The following ST3GAL2 variants were observed in gnomAD, a reference collection of about 807,000 sequenced individuals.
ST3GAL2 encodes CMP-N-acetylneuraminate-beta-galactosamide-alpha-2,3-sialyltransferase 2.
A neutral mutation model predicts 37.5 loss-of-function variants in ST3GAL2; 16 were observed. That is an observed-to-expected ratio of 0.43 (90% CI 0.29 to 0.65). The LOEUF (loss-of-function observed/expected upper bound fraction) is 0.65. Among genes scored for constraint, ST3GAL2 ranks in the 30% least tolerant of loss-of-function variants. The pLI, the probability that ST3GAL2 is intolerant of heterozygous loss-of-function variation, is 0.17. For synonymous variants in ST3GAL2, 238 were observed against 202.9 expected (o/e 1.17, Z -1.47); for missense variants, 383 against 487.8 (o/e 0.79, Z 2.02).
rs2047349533 is a variant in ST3GAL2 at position 70,376,831 on chromosome 16, C to T, written c.*4858G>A. 1 of 151,892 alleles carries T rather than the reference C, an allele frequency of 6.6e-6. No homozygotes were observed. The highest frequency in any genetic ancestry group is 2.1e-4 in the South Asian group (1 of 4,810). The allele number at this position is 151,892 out of a possible 1,614,324, so 9.4% of individuals were successfully genotyped here. ...AATCTCGGCTCACCACAACTTCCAC[C>T]TCCCAGGTTCAAGCAATTCTCTGCC... On this transcript the variant is annotated 3_prime_UTR_variant, in exon 7 of 7. Coordinates refer to ENST00000342907, the MANE Select transcript of ST3GAL2 (RefSeq NM_006927.4).
At chr16:70,414,592 A>T (rs2047661998) in intron 1 of ST3GAL2, among the ~76,000 whole-genome samples, 1 of 152,204 alleles carries the variant, frequency 6.6e-6, no homozygotes, top group Non-Finnish European at 1.5e-5. Flanking sequence ...TGAAAATCGG[A>T]ACAATTGATT....
In ST3GAL2 at chr16:70,414,721, G is replaced by A. The variant is rs148695677; in HGVS notation, c.-1003-15188C>T. Reference sequence around the variant, plus strand: ...AGAGTCTCACTCTGTCATCCAGGCTGTAGTGCGGTAGTGTGATCTCAGCTC... The same window carrying A: ...AGAGTCTCACTCTGTCATCCAGGCTATAGTGCGGTAGTGTGATCTCAGCTC... On this transcript the variant is annotated intron_variant, in intron 1 of 6. Coordinates refer to ENST00000342907, the MANE Select transcript of ST3GAL2 (RefSeq NM_006927.4). Among the ~76,000 whole-genome samples, 502 of 152,282 alleles carry A rather than the reference G, an allele frequency of 3.3e-3. 2 individuals are homozygous for A. The highest frequency in any genetic ancestry group is 0.011 in the African/African-American group (448 of 41,556).
At chr16:70,410,812 T>G (rs1452542960) in intron 1 of ST3GAL2, among the ~76,000 whole-genome samples, 2 of 149,858 alleles carry the variant, frequency 1.3e-5, no homozygotes, top group African/African-American at 2.5e-5. Flanking sequence ...GATCCTGTTT[T>G]TTTTTTTTTT....
intron 1 of ST3GAL2, among the ~76,000 whole-genome samples, chr16:70,417,362 G>A (rs2047683278): frequency 2.0e-5 from 3 of 151,254 alleles, no homozygotes; most frequent in African/African-American, 4.9e-5. Flanking sequence ...ACTCCCAGCA[G>A]GCACCGGCCT....
chr16:70,424,365 G>A (rs141441000), intron 1 of ST3GAL2, among the ~76,000 whole-genome samples: 12,211 of 149,626 alleles, frequency 0.082, 1,646 homozygotes, highest in African/African-American at 0.28. Context: ...ACTTTGGGAG[G>A]CCGAGGCAGG....
intron 1 of ST3GAL2, among the ~76,000 whole-genome samples, chr16:70,411,098 T>C (rs1380293837): frequency 6.6e-6 from 1 of 152,118 alleles, no homozygotes; most frequent in Non-Finnish European, 1.5e-5. Context: ...CCTTTCCAAA[T>C]AAGCAGCCGG....
chr16:70,394,728 T>C (rs1006566625), intron 3 of ST3GAL2, among the ~76,000 whole-genome samples: 2 of 152,186 alleles, frequency 1.3e-5, no homozygotes, highest in Admixed American at 6.5e-5. Context: ...ATGTCAGCTC[T>C]TTCCAGAGGA....
chr16:70,418,930 C>G (rs983860056), intron 1 of ST3GAL2, among the ~76,000 whole-genome samples: 2 of 152,178 alleles, frequency 1.3e-5, no homozygotes, highest in African/African-American at 4.8e-5. Flanking sequence ...CAACCCCGAG[C>G]AAGGGCACAC....
chr16:70,409,621 G>A (rs1269766761), intron 1 of ST3GAL2, among the ~76,000 whole-genome samples: 1 of 151,896 alleles, frequency 6.6e-6, no homozygotes, highest in Non-Finnish European at 1.5e-5. Flanking sequence ...GGGATTACAG[G>A]TGTCAGCCAC....
Position 70,380,682 on chromosome 16 carries a change from C to G in ST3GAL2, c.*1007G>C, listed in dbSNP as rs1312564928. On this transcript the variant is annotated 3_prime_UTR_variant, in exon 7 of 7. Transcript: ENST00000342907. ...AAAGAATCTGCGGTTTGGCCACCCA[C>G]GGCAGCTTCAGCTTAACCAAAGAAT... The G allele has an allele frequency of 6.6e-6, 1 of 152,402 alleles. No homozygotes were observed. Among genetic ancestry groups the G allele is most frequent in the African/African-American group, 2.4e-5 (1 of 41,484 alleles). The allele number at this position is 152,402 out of a possible 1,614,324, so 9.4% of individuals were successfully genotyped here.
chr16:70,429,672 G>T (rs1407250761), intron 1 of ST3GAL2, among the ~76,000 whole-genome samples: 1 of 120,888 alleles, frequency 8.3e-6, no homozygotes, highest in Non-Finnish European at 1.6e-5. Context: ...ACAGAGTTTC[G>T]CTCTTATTGC....
At chr16:70,426,520 T>C (rs1162356739) in intron 1 of ST3GAL2, among the ~76,000 whole-genome samples, 1 of 150,266 alleles carries the variant, frequency 6.7e-6, no homozygotes, top group Non-Finnish European at 1.5e-5. Flanking sequence ...TTTTTCTTTT[T>C]TTTTTTTTGA....
At position 70,377,249 on chromosome 16, in the gene ST3GAL2, G is replaced by A. The variant is rs2047355718; in HGVS notation, c.*4440C>T. 2 of 149,002 alleles carry A rather than the reference G, an allele frequency of 1.3e-5. No individual in the cohort carries two copies. The highest frequency in any genetic ancestry group is 1.3e-4 in the Admixed American group (2 of 14,916). 9.2% of individuals were successfully genotyped at this position (149,002 alleles called of 1,614,324 possible). Reference sequence around the variant, plus strand: ...GTAATCCTACCATTTGGGAGGCCAAGGCAGGCGGATCACCTGACGTCAGGA... The same window carrying A: ...GTAATCCTACCATTTGGGAGGCCAAAGCAGGCGGATCACCTGACGTCAGGA... On this transcript the variant is annotated 3_prime_UTR_variant, in exon 7 of 7. Transcript: ENST00000342907.
chr16:70,419,420 C>A (rs994142876), intron 1 of ST3GAL2, among the ~76,000 whole-genome samples: 7 of 152,296 alleles, frequency 4.6e-5, no homozygotes, highest in Non-Finnish European at 8.8e-5. Context: ...AAGACAGGGG[C>A]CCCGGCAGCA....
rs1239556072 is a variant in ST3GAL2, at chr16:70,380,998, G to A, written c.*691C>T. The A allele has an allele frequency of 2.0e-5, 3 of 152,370 alleles. No individual in the cohort carries two copies. Among genetic ancestry groups the A allele is most frequent in the Middle Eastern group, 6.8e-3 (2 of 294 alleles). The allele number at this position is 152,370 out of a possible 1,614,324, so 9.4% of individuals were successfully genotyped here. On this transcript the variant is annotated 3_prime_UTR_variant, in exon 7 of 7. Transcript: ENST00000342907. The stretch of plus-strand genomic sequence containing the variant: ...AGTGACAGCACCTTGCACTGAAGGG[G>A]ACAGGGCTTCCTCGAGCTCTGCCCT...
intron 1 of ST3GAL2, among the ~76,000 whole-genome samples, chr16:70,405,825 C>T (rs1282452934): frequency 2.6e-5 from 4 of 151,848 alleles, no homozygotes; most frequent in African/African-American, 9.7e-5. Context: ...CTTTGGGAGG[C>T]CGAGGCAGGT....
rs1484152511 is a variant in ST3GAL2, at chr16:70,378,663, C to G, written c.*3026G>C. 6.6e-6 allele frequency: 1 copy of G among 151,030 alleles called. No homozygotes were observed. Among genetic ancestry groups the G allele is most frequent in the African/African-American group, 2.4e-5 (1 of 40,842 alleles). 9.4% of individuals were successfully genotyped at this position (151,030 alleles called of 1,614,324 possible). On this transcript the variant is annotated 3_prime_UTR_variant, in exon 7 of 7. Coordinates refer to ENST00000342907, the MANE Select transcript of ST3GAL2 (RefSeq NM_006927.4). ...CTTGCAATGAGCCGAGATCCCACCA[C>G]TGCACTCCAGCCTGGGCGAGAGTGA... is the stretch of plus-strand genomic sequence containing the variant.
intron 1 of ST3GAL2, among the ~76,000 whole-genome samples, chr16:70,410,439 G>C (rs1269705769): frequency 6.6e-6 from 1 of 150,672 alleles, no homozygotes; most frequent in Non-Finnish European, 1.5e-5. Context: ...ATTTTTAGTA[G>C]AGACAGGGCT....
intron 3 of ST3GAL2, chr16:70,393,743 C>T (rs533411691): frequency 6.6e-6 from 1 of 152,362 alleles, no homozygotes; most frequent in East Asian, 1.9e-4. Context: ...GGGTCCACTC[C>T]AACCTGCTCA....
Sources: gnomAD v4.1 joint callset for allele counts (sites outside exome capture counted in the v4.1 genomes callset) on GRCh38, gnomAD v4.1.1 for gene constraint, MANE v1.5 for transcripts, NCBI Gene and HGNC (gene_info 2026-07-23, HGNC 2026-07-21) for gene names.